Variants in ARHGEF38 observed in about 807,000 individuals in gnomAD.
ARHGEF38 encodes the protein Rho guanine nucleotide exchange factor (GEF) 38.
Under a neutral mutation model 79.9 loss-of-function variants are expected in ARHGEF38, and 79 were observed. The observed-to-expected ratio is 0.99, with a 90% confidence interval of 0.82 to 1.19. ARHGEF38 has a LOEUF of 1.19. Among genes scored for constraint, ARHGEF38 ranks in the 50% most tolerant of loss-of-function variants. The probability of loss-of-function intolerance (pLI) is 0.00; values close to 1 mark genes in which losing one functional copy is unlikely to be tolerated. For missense variants in ARHGEF38, 962 were observed against 907.2 expected (o/e 1.06, Z -0.78); for synonymous variants, 366 against 328.3 (o/e 1.11, Z -1.24).
At chr4:105,594,892 C>T (rs1727510462) in intron 2 of ARHGEF38, among the ~76,000 whole-genome samples, 1 of 152,130 alleles carries the variant, frequency 6.6e-6, no homozygotes, top group African/African-American at 2.4e-5. Context: ...AGTGTTGAAA[C>T]ATTTAGTGGG....
intron 2 of ARHGEF38, among the ~76,000 whole-genome samples, chr4:105,590,864 CT>C (rs1302226716): frequency 1.3e-5 from 2 of 151,972 alleles, no homozygotes; most frequent in African/African-American, 4.8e-5. Context: ...TAAATATCTT[CT>C]CATATATTCA....
rs78265225 is a variant in ARHGEF38, at chr4:105,583,683, A to C, written c.197-5565A>C. On this transcript the variant is annotated intron_variant, in intron 1 of 13. Coordinates refer to ENST00000420470, the MANE Select transcript of ARHGEF38 (RefSeq NM_001242729.2). ...AAATTATTTATGTTCTTCTTCCCCA[A>C]CTAGAAGTAAAGTTCCATAAGGAAA... Among the ~76,000 whole-genome samples, 400 of 152,220 alleles carry C rather than the reference A, an allele frequency of 2.6e-3. 10 individuals are homozygous for C. In the East Asian group the frequency reaches 0.028, roughly 11 times the overall value.
At chr4:105,582,016 T>A (rs534151949) in intron 1 of ARHGEF38, among the ~76,000 whole-genome samples, 3 of 151,764 alleles carry the variant, frequency 2.0e-5, no homozygotes, top group Non-Finnish European at 4.4e-5. Context: ...ATACAAAAAA[T>A]TGGCTGGGTG....
At chr4:105,631,097 G>T in intron 4 of ARHGEF38, 52 bp downstream of exon 4, 2 of 1,557,604 alleles carry the variant, frequency 1.3e-6, no homozygotes, top group South Asian at 1.2e-5. Flanking sequence ...GCCTAGCAGG[G>T]AACATTTTAA....
At chr4:105,605,512 T>C (rs1728001122) in intron 2 of ARHGEF38, among the ~76,000 whole-genome samples, 3 of 152,184 alleles carry the variant, frequency 2.0e-5, no homozygotes, top group Admixed American at 2.0e-4. Context: ...TGGAATGTTT[T>C]CTGGCAGTTA....
At chr4:105,626,368 T>C (rs1728947252) in intron 3 of ARHGEF38, among the ~76,000 whole-genome samples, 2 of 152,188 alleles carry the variant, frequency 1.3e-5, no homozygotes, top group South Asian at 2.1e-4. Context: ...CTAACATCTA[T>C]TGAGCATTTG....
At position 105,669,980 on chromosome 4, in the gene ARHGEF38, T is replaced by C. The variant is rs1730905653; in HGVS notation, c.2148+2277T>C. Reference sequence around the variant, plus strand: ...TAGTATGTATATGTACTTTGTTGCTTTTTATCGCCTACTAATATTCCATTC... The same window carrying C: ...TAGTATGTATATGTACTTTGTTGCTCTTTATCGCCTACTAATATTCCATTC... On this transcript the variant is annotated intron_variant, in intron 13 of 13. Coordinates refer to ENST00000420470, the MANE Select transcript of ARHGEF38 (RefSeq NM_001242729.2). Among the ~76,000 whole-genome samples the C allele has an allele frequency of 2.0e-5, 3 of 152,328 alleles. No individual in the cohort carries two copies. In the South Asian group the frequency reaches 6.2e-4, roughly 32 times the overall value.
At chr4:105,677,519 T>G (rs1374411926) in intron 13 of ARHGEF38, among the ~76,000 whole-genome samples, 1 of 152,202 alleles carries the variant, frequency 6.6e-6, no homozygotes, top group African/African-American at 2.4e-5. Context: ...CAAGTTGCCT[T>G]CAAGCATGGA....
intron 3 of ARHGEF38, among the ~76,000 whole-genome samples, chr4:105,628,051 T>C (rs562370352): frequency 2.0e-5 from 3 of 152,234 alleles, no homozygotes; most frequent in African/African-American, 7.2e-5. Flanking sequence ...AAGATTCTTC[T>C]GTTAAAGTAA....
At chr4:105,629,730 T>C (rs1729102836) in intron 3 of ARHGEF38, among the ~76,000 whole-genome samples, 1 of 151,946 alleles carries the variant, frequency 6.6e-6, no homozygotes, top group African/African-American at 2.4e-5. Context: ...CAAACTATCG[T>C]CCAATATCTA....
chr4:105,639,134 T>A (rs1729517979), intron 5 of ARHGEF38, among the ~76,000 whole-genome samples: 1 of 152,048 alleles, frequency 6.6e-6, no homozygotes, highest in African/African-American at 2.4e-5. Context: ...AATAGTATCC[T>A]GTTATTTTAA....
At chr4:105,553,320 A>G (rs901431728) in intron 1 of ARHGEF38, among the ~76,000 whole-genome samples, 41 of 152,230 alleles carry the variant, frequency 2.7e-4, no homozygotes, top group African/African-American at 9.6e-4. Flanking sequence ...CCTACAAAAG[A>G]TTGTTTATCT....
chr4:105,661,780 T>C (rs1485568512), intron 10 of ARHGEF38, among the ~76,000 whole-genome samples: 1 of 152,124 alleles, frequency 6.6e-6, no homozygotes, highest in Admixed American at 6.5e-5. Flanking sequence ...GTAACCATTT[T>C]TCTAACCTGT....
intron 2 of ARHGEF38, among the ~76,000 whole-genome samples, chr4:105,609,356 T>A (rs576786784): frequency 6.6e-6 from 1 of 152,188 alleles, no homozygotes; most frequent in East Asian, 1.9e-4. Context: ...GGTGTATGTA[T>A]CTGTTATTAT....
At chr4:105,589,146 G>C in intron 1 of ARHGEF38, 102 bp from the exon 2 acceptor site, 2 of 877,898 alleles carry the variant, frequency 2.3e-6, no homozygotes, top group Non-Finnish European at 3.4e-6. Flanking sequence ...GATACCTTCA[G>C]CCTTTTTCCT....
Position 105,677,898 on chromosome 4 carries a change from C to T in ARHGEF38, c.2295C>T (p.Tyr765=), listed in dbSNP as rs1041176935. The change falls in exon 14 of 14, where the codon TAC becomes TAT. Residue 765 remains tyrosine, a synonymous_variant. Transcript: ENST00000420470. ...WLAEAQGQKG[Y]VPANYLGKMT... ...CTGAAGCTCAAGGGCAGAAAGGATA[C>T]GTGCCAGCTAACTACCTTGGAAAGA... 70 of 1,532,338 alleles carry T rather than the reference C, an allele frequency of 4.6e-5. No homozygotes were observed. Among genetic ancestry groups the T allele is most frequent in the Admixed American group, 2.2e-4 (11 of 50,680 alleles). The allele number at this position is 1,532,338 out of a possible 1,614,324, so 94.9% of individuals were successfully genotyped here. A position where few individuals can be genotyped will look rare whatever the true frequency, so the allele number is the denominator to read the frequency against.
chr4:105,609,791 C>G (rs1297262155), intron 2 of ARHGEF38, among the ~76,000 whole-genome samples: 2 of 152,028 alleles, frequency 1.3e-5, no homozygotes, highest in African/African-American at 4.8e-5. Context: ...ATTAAATTGC[C>G]AGTTGAAACA....
chr4:105,619,973 C>G (rs1205685522), intron 3 of ARHGEF38, among the ~76,000 whole-genome samples: 1 of 152,080 alleles, frequency 6.6e-6, no homozygotes, highest in African/African-American at 2.4e-5. Context: ...AGCTGTAGTG[C>G]CAAAGGGAGA....
intron 10 of ARHGEF38, among the ~76,000 whole-genome samples, chr4:105,665,309 A>G (rs1483265345): frequency 6.6e-6 from 1 of 152,044 alleles, no homozygotes; most frequent in African/African-American, 2.4e-5. Context: ...CCTGGCCAAC[A>G]TGGTGAAACC....
Sources: allele counts gnomAD v4.1 joint callset (sites outside exome capture counted in the v4.1 genomes callset), GRCh38; gene constraint gnomAD v4.1.1; transcripts MANE v1.5; gene names NCBI Gene and HGNC (gene_info 2026-07-23, HGNC 2026-07-21).